CELSR1: variants seen among roughly 807,000 people sequenced by gnomAD.
CELSR1 encodes cadherin EGF LAG seven-pass G-type receptor 1, also known as adhesion G protein-coupled receptor C1.
Under a neutral mutation model 249.1 loss-of-function variants are expected in CELSR1, and 110 were observed. The ratio of observed to expected loss-of-function variants is 0.44; its 90% confidence interval spans 0.38 to 0.52. CELSR1 has a LOEUF of 0.52. Ranked by LOEUF, CELSR1 falls within the 20% of genes least tolerant of loss-of-function variation. The pLI is 0.00. For synonymous variants in CELSR1, 2,113 were observed against 1,900.0 expected (o/e 1.11, Z -2.92); for missense variants, 4,109 against 4,296.4 (o/e 0.96, Z 1.22).
In CELSR1 at chr22:46,407,884, C is replaced by T. The variant is rs1422681466; in HGVS notation, c.5226+1112G>A. ...CACAGCAGCTGGGTTTACAGGAGAG[C>T]GCCCGTGCCCCGCCATCACTACAGA... On this transcript the variant is annotated intron_variant, in intron 9 of 34. Coordinates refer to ENST00000674500, the MANE Select transcript of CELSR1 (RefSeq NM_001378328.1). The surrounding 1 kb of genome is among the most constrained non-coding windows in gnomAD (Gnocchi z 4.8). 6.6e-6 allele frequency among the ~76,000 whole-genome samples: 1 copy of T among 152,182 alleles called. No individual in the cohort carries two copies. Among genetic ancestry groups the T allele is most frequent in the Non-Finnish European group, 1.5e-5 (1 of 68,036 alleles).
intron 2 of CELSR1, among the ~76,000 whole-genome samples, chr22:46,455,028 GAC>G (rs775884235): frequency 1.3e-5 from 2 of 152,208 alleles, no homozygotes; most frequent in Non-Finnish European, 2.9e-5. Flanking sequence ...CCTGGACAGA[GAC>G]AGACGTGCAC....
chr22:46,374,651 C>A lies in CELSR1; in HGVS notation c.7585-1594G>T, dbSNP rs924046385. On this transcript the variant is annotated intron_variant, in intron 24 of 34. Coordinates refer to ENST00000674500, the MANE Select transcript of CELSR1 (RefSeq NM_001378328.1). The surrounding 1 kb of genome is among the most constrained non-coding windows in gnomAD (Gnocchi z 4.3). The stretch of plus-strand genomic sequence containing the variant: ...GAACCCAGGGGCCGCCTCAGTTTCG[C>A]TGGGGTGTTGAGTTGCAGGGAGTGG... Among the ~76,000 whole-genome samples, 1 of 152,176 alleles carries A rather than the reference C, an allele frequency of 6.6e-6. No individual in the cohort carries two copies. The highest frequency in any genetic ancestry group is 6.5e-5 in the Admixed American group (1 of 15,278).
chr22:46,418,292 C>T (rs1045643180), intron 5 of CELSR1, among the ~76,000 whole-genome samples: 1 of 152,028 alleles, frequency 6.6e-6, no homozygotes, highest in Non-Finnish European at 1.5e-5. Flanking sequence ...ACCAGCCTGG[C>T]CAACAAGGTG....
Position 46,527,825 on chromosome 22 carries a change from G to A in CELSR1, c.3544+5802C>T, listed in dbSNP as rs58917826. Among the ~76,000 whole-genome samples the A allele has an allele frequency of 0.026, 3,977 of 152,296 alleles. 185 individuals are homozygous for A. Among genetic ancestry groups the A allele is most frequent in the African/African-American group, 0.086 (3,594 of 41,562 alleles). ...GATGGTCCGACCCAGGCTGGGAGCGGTGGCTCACGCCTGTAATCCCAGCAT... is the reference window on the plus strand; with the variant it reads ...GATGGTCCGACCCAGGCTGGGAGCGATGGCTCACGCCTGTAATCCCAGCAT... On this transcript the variant is annotated intron_variant, in intron 1 of 34. Coordinates refer to ENST00000674500, the MANE Select transcript of CELSR1 (RefSeq NM_001378328.1). The surrounding 1 kb of genome is among the most constrained non-coding windows in gnomAD (Gnocchi z 5.5).
At chr22:46,459,502 T>C (rs1156657143) in intron 2 of CELSR1, among the ~76,000 whole-genome samples, 1 of 152,216 alleles carries the variant, frequency 6.6e-6, no homozygotes, top group East Asian at 1.9e-4. Context: ...TGGCCGGCCG[T>C]TGACCCTCGA....
In CELSR1 at chr22:46,413,814, G is replaced by C. The variant is rs903762445; in HGVS notation, c.4612-2055C>G. Among the ~76,000 whole-genome samples the C allele has an allele frequency of 6.6e-6, 1 of 152,198 alleles. No homozygotes were observed. Among genetic ancestry groups the C allele is most frequent in the African/African-American group, 2.4e-5 (1 of 41,450 alleles). On this transcript the variant is annotated intron_variant, in intron 5 of 34. Coordinates refer to ENST00000674500, the MANE Select transcript of CELSR1 (RefSeq NM_001378328.1). This position sits in a 1 kb window ranked among gnomAD's most constrained non-coding sequence, Gnocchi z 4.7. ...CGCGTGGAAGTGCCCATTATGGGAC[G>C]CTTAAATGTGAGATGCGATCCCAGG...
At position 46,468,756 on chromosome 22, in the gene CELSR1, G is replaced by A. The variant is rs1348077320; in HGVS notation, c.3545-4411C>T. Among the ~76,000 whole-genome samples, 4 of 152,146 alleles carry A rather than the reference G, an allele frequency of 2.6e-5. No individual in the cohort carries two copies. Among genetic ancestry groups the A allele is most frequent in the Admixed American group, 2.6e-4 (4 of 15,270 alleles). On this transcript the variant is annotated intron_variant, in intron 1 of 34. Coordinates refer to ENST00000674500, the MANE Select transcript of CELSR1 (RefSeq NM_001378328.1). This position sits in a 1 kb window ranked among gnomAD's most constrained non-coding sequence, Gnocchi z 4.5. ...CTTAAAAATGGTTAAAGTGGTAAAC[G>A]TATGTGTATTTTACCACAATTACAA...
chr22:46,386,395 G>A lies in CELSR1; in HGVS notation c.6739+7C>T. The A allele has an allele frequency of 3.2e-6, 5 of 1,553,976 alleles. No individual in the cohort carries two copies. Among genetic ancestry groups the A allele is most frequent in the South Asian group, 1.2e-5 (1 of 81,986 alleles). ...GGGTTCCACCCCCAACGCAGCCAGC[G>A]CCTTACTCATGTTGGCGGTGACGAT... On this transcript the variant is annotated splice_region_variant and intron_variant, in intron 19 of 34. Transcript: ENST00000674500.
At chr22:46,377,543 G>A (rs539675641) in intron 23 of CELSR1, 38 of 476,772 alleles carry the variant, frequency 8.0e-5, no homozygotes, top group Admixed American at 3.1e-4. Flanking sequence ...GCTTTGGGGC[G>A]CCCAGGCCAT....
intron 12 of CELSR1, among the ~76,000 whole-genome samples, chr22:46,397,186 C>T (rs1007581484): frequency 6.6e-6 from 1 of 151,818 alleles, no homozygotes; most frequent in African/African-American, 2.4e-5. Flanking sequence ...TCACTGGAAC[C>T]TTTGCCTAAG....
intron 1 of CELSR1, among the ~76,000 whole-genome samples, chr22:46,501,237 C>T (rs56343040): frequency 0.52 from 73,051 of 140,144 alleles, 19,597 homozygotes; most frequent in East Asian, 0.85. Flanking sequence ...GACAGAGTCT[C>T]GCTCTGTTGC....
chr22:46,393,737 CAAAAA>C lies in CELSR1; in HGVS notation c.5964+400_5964+404del, dbSNP rs527573754. Among the ~76,000 whole-genome samples, 3 of 76,552 alleles carry C rather than the reference CAAAAA, an allele frequency of 3.9e-5. No homozygotes were observed. Among genetic ancestry groups the C allele is most frequent in the African/African-American group, 9.9e-5 (2 of 20,234 alleles). The allele number at this position is 76,552 out of a possible 152,430, so 50.2% of individuals were successfully genotyped here. On this transcript the variant is annotated intron_variant, in intron 14 of 34. Coordinates refer to ENST00000674500, the MANE Select transcript of CELSR1 (RefSeq NM_001378328.1). This position sits in a 1 kb window ranked among gnomAD's most constrained non-coding sequence, Gnocchi z 4.1. ...TGGGCGACACAGCGAGACTCTGTCTCAAAAAAAAAAAAAAAAAGACCAGGAAAATG... is the reference window on the plus strand; with the variant it reads ...TGGGCGACACAGCGAGACTCTGTCTCAAAAAAAAAAAAGACCAGGAAAATG...
In CELSR1 at chr22:46,537,445, T is replaced by TGCGGCG. The variant is rs540684778; in HGVS notation, c.-281_-276dup. On this transcript the variant is annotated 5_prime_UTR_variant, in exon 1 of 35. Coordinates refer to ENST00000674500, the MANE Select transcript of CELSR1 (RefSeq NM_001378328.1). This position sits in a 1 kb window ranked among gnomAD's most constrained non-coding sequence, Gnocchi z 5.8. ...CCCGGGAGGGCGCCGCGCATCAACC[T>TGCGGCG]GCGGCGGCGGCGGCGGCTCCAGGCG... Among the ~76,000 whole-genome samples the TGCGGCG allele has an allele frequency of 1.4e-4, 20 of 141,906 alleles. No individual in the cohort carries two copies. The highest frequency in any genetic ancestry group is 4.4e-4 in the African/African-American group (17 of 38,820). 93.1% of individuals were successfully genotyped at this position (141,906 alleles called of 152,430 possible). A position where few individuals can be genotyped will look rare whatever the true frequency, so the allele number is the denominator to read the frequency against.
In CELSR1 at chr22:46,369,811, ACAG is replaced by A. The variant is rs2078831030; in HGVS notation, c.7760-10_7760-8del. The A allele has an allele frequency of 6.2e-7, 1 of 1,611,830 alleles. No individual in the cohort carries two copies. The highest frequency in any genetic ancestry group is 1.7e-5 in the Admixed American group (1 of 59,956). On this transcript the variant is annotated splice_polypyrimidine_tract_variant and splice_region_variant and intron_variant, in intron 25 of 34. Transcript: ENST00000674500. ...TCCAGGCCGACCGCCAGTCCTGAAC[ACAG>A]CGGGGAGGAAGGGAAGGGTGAGGGC...
intron 1 of CELSR1, among the ~76,000 whole-genome samples, chr22:46,470,268 G>C (rs929901671): frequency 7.9e-5 from 12 of 151,732 alleles, no homozygotes; most frequent in Non-Finnish European, 1.5e-4. Flanking sequence ...TTTTAACCAG[G>C]AAAATAAGCA....
At chr22:46,476,009 A>G (rs929460638) in intron 1 of CELSR1, among the ~76,000 whole-genome samples, 3 of 152,102 alleles carry the variant, frequency 2.0e-5, no homozygotes, top group Non-Finnish European at 4.4e-5. Context: ...CAGCCTAAAG[A>G]AGTTGTGGGC....
chr22:46,536,481 C>G lies in CELSR1; in HGVS notation c.690G>C (p.Ala230=), dbSNP rs1336344658. 6.3e-7 allele frequency: 1 copy of G among 1,597,230 alleles called. No individual in the cohort carries two copies. Among genetic ancestry groups the G allele is most frequent in the South Asian group, 1.1e-5 (1 of 89,874 alleles). Residue 230 remains alanine (A), a synonymous_variant, in exon 1 of 35, where the codon GCG becomes GCC. Coordinates refer to ENST00000674500, the MANE Select transcript of CELSR1 (RefSeq NM_001378328.1). ...PNLPEARAGP[A]RRARRGTSGR... The stretch of plus-strand genomic sequence containing the variant: ...CGCTCGTGCCCCGCCGGGCCCGTCG[C>G]GCCGGCCCCGCCCGGGCTTCGGGCA...
chr22:46,389,240 TCCGAGTGTCC>T lies in CELSR1; in HGVS notation c.6555+40_6555+49del, dbSNP rs539856271. 791 of 1,587,260 alleles carry T rather than the reference TCCGAGTGTCC, an allele frequency of 5.0e-4. 1 individual carries two copies. Among genetic ancestry groups the T allele is most frequent in the African/African-American group, 1.5e-3 (114 of 74,476 alleles). ...GCCCCACAGCACCCACCCACGGGCATCCGAGTGTCCCCGAGTGTCCCCGAGCCAGGGTGGC... is the reference window on the plus strand; with the variant it reads ...GCCCCACAGCACCCACCCACGGGCATCCGAGTGTCCCCGAGCCAGGGTGGC... On this transcript the variant is annotated intron_variant, in intron 18 of 34. Coordinates refer to ENST00000674500, the MANE Select transcript of CELSR1 (RefSeq NM_001378328.1).
chr22:46,513,959 T>A (rs1464920204), intron 1 of CELSR1, among the ~76,000 whole-genome samples: 1 of 151,884 alleles, frequency 6.6e-6, no homozygotes, highest in Non-Finnish European at 1.5e-5. Context: ...CACACCCAGC[T>A]AATTTTTGTA....
Sources: gnomAD v4.1 joint callset for allele counts (sites outside exome capture counted in the v4.1 genomes callset) on GRCh38, gnomAD v4.1.1 for gene constraint, Gnocchi (gnomAD v3.1) non-coding constraint, MANE v1.5 for transcripts, NCBI Gene and HGNC (gene_info 2026-07-23, HGNC 2026-07-21) for gene names.